Variants in ANO6 observed in about 807,000 individuals in gnomAD.
ANO6 encodes the protein anoctamin-6.
In ANO6, 106 loss-of-function variants were observed where a neutral mutation model predicts 117.5. The ratio of observed to expected loss-of-function variants is 0.90; its 90% confidence interval spans 0.77 to 1.06. The LOEUF (loss-of-function observed/expected upper bound fraction) is 1.06, where lower values mean the gene tolerates loss of function less well. Among genes scored for constraint, ANO6 ranks in the 50% least tolerant of loss-of-function variants. The pLI is 0.00. For missense variants in ANO6, 955 were observed against 1,121.1 expected (o/e 0.85, Z 2.12); for synonymous variants, 367 against 385.1 (o/e 0.95, Z 0.55).
At chr12:45,414,180 C>G (rs1943156452) in intron 16 of ANO6, among the ~76,000 whole-genome samples, 1 of 151,796 alleles carries the variant, frequency 6.6e-6, no homozygotes, top group South Asian at 2.1e-4. Context: ...CTTCAGAAAA[C>G]TCAACTGTAA....
At chr12:45,291,615 A>G (rs936695172) in intron 1 of ANO6, among the ~76,000 whole-genome samples, 1 of 152,198 alleles carries the variant, frequency 6.6e-6, no homozygotes, top group Non-Finnish European at 1.5e-5. Context: ...GCAAAAAGAC[A>G]GACTCAGTTG....
chr12:45,282,397 C>T (rs1488386895), intron 1 of ANO6, among the ~76,000 whole-genome samples: 2 of 152,024 alleles, frequency 1.3e-5, no homozygotes, highest in South Asian at 2.1e-4. Flanking sequence ...GAAGTCAAGG[C>T]GCAGTCAAGG....
chr12:45,314,772 CTGATTGTGGA>C (rs1939966893), intron 2 of ANO6, among the ~76,000 whole-genome samples: 1 of 152,014 alleles, frequency 6.6e-6, no homozygotes, highest in East Asian at 1.9e-4. Context: ...TGAAAGTCAC[CTGATTGTGGA>C]TGTTAACCAC....
In ANO6 at chr12:45,351,708, C is replaced by T. The variant is rs148446522; in HGVS notation, c.863+934C>T. On this transcript the variant is annotated intron_variant, in intron 7 of 19. Coordinates refer to ENST00000320560, the MANE Select transcript of ANO6 (RefSeq NM_001025356.3). ...CAGCTTGTACAGTGGCCCTGAGATG[C>T]ACACACATTTGGCAAGTTTGAGGAA... 2.0e-3 allele frequency among the ~76,000 whole-genome samples: 301 copies of T among 152,176 alleles called. 7 individuals are homozygous for T. In the South Asian group the frequency reaches 0.039, roughly 20 times the overall value.
chr12:45,304,818 C>T (rs1939613080), intron 2 of ANO6, among the ~76,000 whole-genome samples: 1 of 152,210 alleles, frequency 6.6e-6, no homozygotes, highest in Non-Finnish European at 1.5e-5. Context: ...TTTTCCTTCA[C>T]AGCTGAGGTG....
At chr12:45,331,682 A>G (rs111701160) in intron 3 of ANO6, among the ~76,000 whole-genome samples, 32 of 152,110 alleles carry the variant, frequency 2.1e-4, no homozygotes, top group Non-Finnish European at 4.1e-4. Flanking sequence ...TGGACTTTCT[A>G]TTGTACAGAA....
chr12:45,273,991 C>T (rs1256644412), intron 1 of ANO6, among the ~76,000 whole-genome samples: 1 of 152,190 alleles, frequency 6.6e-6, no homozygotes, highest in Admixed American at 6.5e-5. Flanking sequence ...ACTGACCACT[C>T]CCTGCTTCCT....
intron 7 of ANO6, among the ~76,000 whole-genome samples, chr12:45,355,375 T>C (rs1941384005): frequency 6.6e-6 from 1 of 152,086 alleles, no homozygotes; most frequent in Non-Finnish European, 1.5e-5. Context: ...TTAGAAAGTA[T>C]TGAACTCCTT....
chr12:45,274,945 A>G (rs1013742757), intron 1 of ANO6, among the ~76,000 whole-genome samples: 1 of 151,118 alleles, frequency 6.6e-6, no homozygotes, highest in African/African-American at 2.4e-5. Context: ...GTTACTCTGT[A>G]TCCTCTTAAC....
At chr12:45,346,381 G>A (rs770186105) in intron 3 of ANO6, among the ~76,000 whole-genome samples, 4 of 151,594 alleles carry the variant, frequency 2.6e-5, no homozygotes, top group Non-Finnish European at 2.9e-5. Context: ...CATAAGTGTA[G>A]TATATTCTGT....
intron 12 of ANO6, among the ~76,000 whole-genome samples, chr12:45,390,937 A>T (rs758089571): frequency 6.6e-6 from 1 of 152,170 alleles, no homozygotes. Flanking sequence ...CCTGGCCAAC[A>T]TGATGAAACC....
Position 45,328,763 on chromosome 12 carries a change from T to C in ANO6, c.151-2532T>C, listed in dbSNP as rs559522395. On this transcript the variant is annotated intron_variant, in intron 2 of 19. Coordinates refer to ENST00000320560, the MANE Select transcript of ANO6 (RefSeq NM_001025356.3). ...TAGTTGTCTATTATTACAGTTTTTT[T>C]CCCTTTGTGTTCTTCTTGGAATTAA... is the stretch of plus-strand genomic sequence containing the variant. Among the ~76,000 whole-genome samples the C allele has an allele frequency of 1.5e-3, 223 of 152,300 alleles. 7 individuals carry two copies. The South Asian group carries it at 0.044, about 30-fold the overall frequency.
intron 17 of ANO6, among the ~76,000 whole-genome samples, chr12:45,418,471 C>T (rs1400900472): frequency 6.6e-6 from 1 of 152,174 alleles, no homozygotes; most frequent in Non-Finnish European, 1.5e-5. Flanking sequence ...ATGAACATGA[C>T]AGCACGTTCA....
At chr12:45,265,634 C>A (rs1349535107) in intron 1 of ANO6, among the ~76,000 whole-genome samples, 1 of 152,160 alleles carries the variant, frequency 6.6e-6, no homozygotes, top group African/African-American at 2.4e-5. Context: ...ATCCAGTTAA[C>A]CTTCCCGATT....
At chr12:45,253,713 A>G (rs2137193385) in intron 1 of ANO6, among the ~76,000 whole-genome samples, 1 of 152,298 alleles carries the variant, frequency 6.6e-6, no homozygotes, top group Admixed American at 6.5e-5. Context: ...CTATCTGTAA[A>G]ATGAGGAGTT....
At chr12:45,329,252 T>C (rs1051204488) in intron 2 of ANO6, among the ~76,000 whole-genome samples, 9 of 152,192 alleles carry the variant, frequency 5.9e-5, no homozygotes, top group African/African-American at 1.9e-4. Context: ...GCTAGTGATA[T>C]TAGTTTCTCC....
intron 1 of ANO6, chr12:45,292,715 A>G: frequency 7.4e-7 from 1 of 1,352,208 alleles, no homozygotes; most frequent in Non-Finnish European, 9.5e-7. Flanking sequence ...GAATAGGGGA[A>G]GAGTTCATAA....
chr12:45,221,848 T>A (rs1947404193), intron 1 of ANO6, among the ~76,000 whole-genome samples: 1 of 151,106 alleles, frequency 6.6e-6, no homozygotes, highest in Non-Finnish European at 1.5e-5. Context: ...CTCTGACCAT[T>A]GGCTCAGACC....
intron 7 of ANO6, among the ~76,000 whole-genome samples, chr12:45,353,432 A>G (rs1294554807): frequency 6.6e-6 from 1 of 152,224 alleles, no homozygotes; most frequent in Non-Finnish European, 1.5e-5. Context: ...CTGATAACAG[A>G]GTGATGGGTT....
Sources: allele counts gnomAD v4.1 joint callset (sites outside exome capture counted in the v4.1 genomes callset), GRCh38; gene constraint gnomAD v4.1.1; transcripts MANE v1.5; gene names NCBI Gene and HGNC (gene_info 2026-07-23, HGNC 2026-07-21).